Variants in ZPBP observed in about 807,000 individuals in gnomAD.
ZPBP encodes the protein zona pellucida-binding protein 1.
A neutral mutation model predicts 44.8 loss-of-function variants in ZPBP; 26 were observed. That is an observed-to-expected ratio of 0.58 (90% CI 0.43 to 0.81). The LOEUF (loss-of-function observed/expected upper bound fraction) is 0.81. ZPBP is among the 30% of genes least tolerant of loss of function. The pLI is 0.00. For synonymous variants in ZPBP, 174 were observed against 153.2 expected, an observed-to-expected ratio of 1.14 and a Z score of -1.00; for missense variants, 409 against 434.0, an observed-to-expected ratio of 0.94 and a Z score of 0.51.
intron 6 of ZPBP, among the ~76,000 whole-genome samples, chr7:50,011,468 C>T (rs569509679): frequency 6.6e-6 from 1 of 152,248 alleles, no homozygotes; most frequent in South Asian, 2.1e-4. Context: ...CTATGTGGTC[C>T]TTCACAAGGA....
At chr7:49,938,125 G>A (rs1460852504) in intron 7 of ZPBP, among the ~76,000 whole-genome samples, 1 of 152,086 alleles carries the variant, frequency 6.6e-6, no homozygotes, top group African/African-American at 2.4e-5. Flanking sequence ...CTGGGGGTTG[G>A]GGACCCCTGC....
chr7:49,939,472 A>G (rs1031080975), intron 7 of ZPBP, among the ~76,000 whole-genome samples: 8 of 152,130 alleles, frequency 5.3e-5, no homozygotes, highest in Non-Finnish European at 8.8e-5. Flanking sequence ...AGAACTGGGG[A>G]AAAATGTTAA....
At chr7:50,058,224 C>T in intron 3 of ZPBP, 83 bp from the exon 4 acceptor site, 2 of 1,410,100 alleles carry the variant, frequency 1.4e-6, no homozygotes, top group South Asian at 2.3e-5. Context: ...GTAAAACCAT[C>T]ATAATTTACC....
chr7:49,858,144 C>T (rs1790501736), intron 2 of ZPBP, among the ~76,000 whole-genome samples: 1 of 152,184 alleles, frequency 6.6e-6, no homozygotes, highest in Non-Finnish European at 1.5e-5. Context: ...TTCTCCACAT[C>T]CTCTCCAGCA....
intron 2 of ZPBP, among the ~76,000 whole-genome samples, chr7:49,867,069 G>A (rs1240885878): frequency 6.6e-6 from 1 of 152,178 alleles, no homozygotes; most frequent in Non-Finnish European, 1.5e-5. Flanking sequence ...GAGACAGATG[G>A]CTCAAGAAAT....
rs528852219 is a variant in ZPBP, at chr7:49,865,613, G to A, written n.510-15099C>T. On this transcript the variant is annotated intron_variant and non_coding_transcript_variant, in intron 2 of 2. Coordinates refer to the ZPBP transcript ENST00000465922. ...ATCAAGAGAGGGCAAACTCCAATAT[G>A]CAAGTATTTTTGAGACTCTGTTTGT... Among the ~76,000 whole-genome samples the A allele has an allele frequency of 1.1e-3, 171 of 152,308 alleles. 1 individual carries two copies. The highest frequency in any genetic ancestry group is 2.2e-3 in the Non-Finnish European group (147 of 68,032).
chr7:49,952,244 A>T (rs558180029), intron 7 of ZPBP, among the ~76,000 whole-genome samples: 49 of 152,132 alleles, frequency 3.2e-4, no homozygotes, highest in African/African-American at 1.1e-3. Context: ...TTAAAAAAAT[A>T]AAGAGAGCTT....
chr7:49,877,481 A>AAAAAAATATACAT lies in ZPBP; in HGVS notation n.509+23636_509+23637insATGTATATTTTTT. On this transcript the variant is annotated intron_variant and non_coding_transcript_variant, in intron 2 of 2. Transcript: ENST00000465922. ...CTGTCTCAAAAAAAAAAAAAAAAAA[A>AAAAAAATATACAT]ATATATATATATATATATATATATA... 3.9e-3 allele frequency among the ~76,000 whole-genome samples: 50 copies of AAAAAAATATACAT among 12,730 alleles called. 15 individuals carry two copies. The highest frequency in any genetic ancestry group is 6.6e-3 in the South Asian group (2 of 302). 8.4% of individuals were successfully genotyped at this position (12,730 alleles called of 152,430 possible).
intron 6 of ZPBP, among the ~76,000 whole-genome samples, chr7:50,017,619 CT>C (rs913646963): frequency 1.5e-4 from 23 of 151,952 alleles, no homozygotes; most frequent in African/African-American, 5.6e-4. Context: ...ATACTTATAC[CT>C]TTAGTAGAAA....
chr7:49,893,549 T>A (rs1792234744), intron 2 of ZPBP, among the ~76,000 whole-genome samples: 1 of 152,194 alleles, frequency 6.6e-6, no homozygotes, highest in African/African-American at 2.4e-5. Context: ...AACACACATG[T>A]CCACATGAAC....
At chr7:50,031,434 A>G (rs1799604499) in intron 4 of ZPBP, 124 bp from the exon 5 acceptor site, 1 of 759,798 alleles carries the variant, frequency 1.3e-6, no homozygotes, top group Non-Finnish European at 2.1e-6. Flanking sequence ...AGATATAATT[A>G]TATTTATTTT....
chr7:50,070,429 G>A (rs1354499865), intron 3 of ZPBP, among the ~76,000 whole-genome samples: 2 of 152,218 alleles, frequency 1.3e-5, no homozygotes, highest in South Asian at 2.1e-4. Context: ...GCACTGCCAG[G>A]CAGGGTGCCG....
chr7:49,873,814 GATTA>G (rs572638554), intron 2 of ZPBP, among the ~76,000 whole-genome samples: 71 of 151,688 alleles, frequency 4.7e-4, no homozygotes, highest in African/African-American at 1.5e-3. Flanking sequence ...GAGAAAAATG[GATTA>G]ATTAATTATG....
intron 1 of ZPBP, among the ~76,000 whole-genome samples, chr7:49,930,812 T>C (rs538194912): frequency 2.0e-5 from 3 of 152,306 alleles, no homozygotes; most frequent in African/African-American, 7.2e-5. Flanking sequence ...TAGTGAAAAC[T>C]TGGAAGCAAT....
chr7:49,997,822 C>T (rs1417554439), intron 6 of ZPBP, among the ~76,000 whole-genome samples: 1 of 152,168 alleles, frequency 6.6e-6, no homozygotes, highest in African/African-American at 2.4e-5. Context: ...TTTAGGGGCT[C>T]AATATTTTCA....
At chr7:49,930,736 G>GA (rs1241440901) in intron 1 of ZPBP, among the ~76,000 whole-genome samples, 1 of 151,758 alleles carries the variant, frequency 6.6e-6, no homozygotes, top group Non-Finnish European at 1.5e-5. Flanking sequence ...TATTTAGCAT[G>GA]AAAAAAAACT....
intron 4 of ZPBP, among the ~76,000 whole-genome samples, chr7:50,045,552 A>T (rs1047875646): frequency 3.3e-5 from 5 of 152,174 alleles, no homozygotes; most frequent in African/African-American, 1.2e-4. Context: ...CACAATTGCT[A>T]CAAAGAGAAT....
At chr7:49,941,105 G>A (rs1396611842) in intron 7 of ZPBP, among the ~76,000 whole-genome samples, 1 of 152,110 alleles carries the variant, frequency 6.6e-6, no homozygotes, top group African/African-American at 2.4e-5. Flanking sequence ...TGAGATATCA[G>A]CTCACAACCA....
At chr7:49,856,152 T>C (rs1790408648) in intron 2 of ZPBP, among the ~76,000 whole-genome samples, 1 of 152,176 alleles carries the variant, frequency 6.6e-6, no homozygotes, top group Non-Finnish European at 1.5e-5. Flanking sequence ...TTAGGATGTG[T>C]GTCCAAACTG....
Sources: gnomAD v4.1 joint callset for allele counts (sites outside exome capture counted in the v4.1 genomes callset) on GRCh38, gnomAD v4.1.1 for gene constraint, MANE v1.5 for transcripts, NCBI Gene and HGNC (gene_info 2026-07-23, HGNC 2026-07-21) for gene names.